The following NR2F1-AS1 variants were observed in gnomAD, a reference collection of about 807,000 sequenced individuals.
The protein encoded by NR2F1-AS1 is NR2F1 regulatory antisense RNA 1.
rs1354990981 is a variant in NR2F1-AS1 at position 93,556,109 on chromosome 5, C to T, written n.414-1114G>A. On this transcript the variant is annotated intron_variant and non_coding_transcript_variant, in intron 2 of 5. Coordinates refer to ENST00000660523, the Ensembl canonical transcript of NR2F1-AS1. Reference sequence around the variant, plus strand: ...TTTATTCCTACATCAGGACTTTATCCCATGTTCTTTCTGCTTCTGTAGCAC... The same window carrying T: ...TTTATTCCTACATCAGGACTTTATCTCATGTTCTTTCTGCTTCTGTAGCAC... 2.6e-5 allele frequency among the ~76,000 whole-genome samples: 4 copies of T among 152,234 alleles called. No individual in the cohort carries two copies. In the East Asian group the frequency reaches 7.7e-4, roughly 29 times the overall value.
At chr5:93,545,271 T>C (rs1470627365) in intron 4 of NR2F1-AS1, among the ~76,000 whole-genome samples, 1 of 152,234 alleles carries the variant, frequency 6.6e-6, no homozygotes, top group African/African-American at 2.4e-5. Flanking sequence ...TTATACTTCA[T>C]ATTCACTTAA....
At position 93,518,641 on chromosome 5, in the gene NR2F1-AS1, T is replaced by C. The variant is rs184551323; in HGVS notation, n.638+35120A>G. Among the ~76,000 whole-genome samples the C allele has an allele frequency of 2.6e-5, 4 of 152,266 alleles. No individual in the cohort carries two copies. In the East Asian group the frequency reaches 5.8e-4, roughly 22 times the overall value. On this transcript the variant is annotated intron_variant and non_coding_transcript_variant, in intron 4 of 5. Coordinates refer to ENST00000660523, the Ensembl canonical transcript of NR2F1-AS1. ...AACAATTATATCTATGTGACACAGA[T>C]ATAATTACATTTCTCATTTAATCTT...
chr5:93,413,396 G>C (rs1424598013), intron 4 of NR2F1-AS1, among the ~76,000 whole-genome samples: 2 of 151,996 alleles, frequency 1.3e-5, no homozygotes, highest in African/African-American at 4.8e-5. Context: ...GAAGCTTTTA[G>C]TGTACTGGGA....
At chr5:93,553,028 G>T (rs753213286) in intron 4 of NR2F1-AS1, among the ~76,000 whole-genome samples, 3 of 151,662 alleles carry the variant, frequency 2.0e-5, no homozygotes, top group Non-Finnish European at 2.9e-5. Flanking sequence ...TAGCAAACTT[G>T]CAACAAGCAT....
At chr5:93,522,694 G>A (rs554743134) in intron 4 of NR2F1-AS1, among the ~76,000 whole-genome samples, 5 of 152,146 alleles carry the variant, frequency 3.3e-5, no homozygotes, top group East Asian at 1.9e-4. Context: ...GCCCACAGAC[G>A]GTGAGCCAAA....
In NR2F1-AS1 at chr5:93,579,587, G is replaced by A. The variant is rs1268697710; in HGVS notation, n.313+880C>T. 1.3e-5 allele frequency among the ~76,000 whole-genome samples: 2 copies of A among 152,104 alleles called. No homozygotes were observed. The highest frequency in any genetic ancestry group is 1.3e-4 in the Admixed American group (2 of 15,282). On this transcript the variant is annotated intron_variant and non_coding_transcript_variant, in intron 1 of 5. Coordinates refer to ENST00000660523, the Ensembl canonical transcript of NR2F1-AS1. This position sits in a 1 kb window ranked among gnomAD's most constrained non-coding sequence, Gnocchi z 5.1. ...AGCTAGGCAAGGCCTCCTCGCTTCCGAGACCCCCCAGCCCCCGGGTGCAGT... is the reference window on the plus strand; with the variant it reads ...AGCTAGGCAAGGCCTCCTCGCTTCCAAGACCCCCCAGCCCCCGGGTGCAGT...
chr5:93,539,837 C>G (rs149750683), intron 4 of NR2F1-AS1, among the ~76,000 whole-genome samples: 296 of 152,170 alleles, frequency 1.9e-3, no homozygotes, highest in African/African-American at 6.1e-3. Context: ...GATGATTATA[C>G]AACAAATATA....
chr5:93,445,030 C>T (rs946129949), intron 4 of NR2F1-AS1, among the ~76,000 whole-genome samples: 3 of 152,186 alleles, frequency 2.0e-5, no homozygotes, highest in African/African-American at 7.2e-5. Flanking sequence ...ATACCAGAAT[C>T]TCTGGGACAC....
At chr5:93,467,838 T>C (rs996315382) in intron 4 of NR2F1-AS1, among the ~76,000 whole-genome samples, 27 of 152,152 alleles carry the variant, frequency 1.8e-4, no homozygotes, top group Non-Finnish European at 3.7e-4. Context: ...CCCCGGCATA[T>C]GGTGTTTCCT....
chr5:93,533,464 A>G (rs1456888959), intron 4 of NR2F1-AS1, among the ~76,000 whole-genome samples: 1 of 152,162 alleles, frequency 6.6e-6, no homozygotes, highest in Non-Finnish European at 1.5e-5. Flanking sequence ...AGTCAAGAAA[A>G]CTGTATCATT....
chr5:93,573,016 C>A (rs1752810736), intron 1 of NR2F1-AS1, among the ~76,000 whole-genome samples: 1 of 152,208 alleles, frequency 6.6e-6, no homozygotes, highest in African/African-American at 2.4e-5. Flanking sequence ...GCCAGAGGAG[C>A]CAGGAGGAGT....
chr5:93,458,270 G>C (rs1193845114), intron 4 of NR2F1-AS1, among the ~76,000 whole-genome samples: 1 of 152,130 alleles, frequency 6.6e-6, no homozygotes, highest in Non-Finnish European at 1.5e-5. Context: ...AAAAATTGGA[G>C]GACTTAAAGC....
chr5:93,471,394 G>A (rs1022399586), intron 4 of NR2F1-AS1, among the ~76,000 whole-genome samples: 1 of 151,824 alleles, frequency 6.6e-6, no homozygotes, highest in African/African-American at 2.4e-5. Context: ...ATAAAGACGT[G>A]CATTCCAACA....
At chr5:93,515,481 T>C (rs1039145860) in intron 4 of NR2F1-AS1, among the ~76,000 whole-genome samples, 4 of 151,970 alleles carry the variant, frequency 2.6e-5, no homozygotes, top group Non-Finnish European at 5.9e-5. Flanking sequence ...CTCTCCTTAG[T>C]GTTTATGGCT....
At chr5:93,470,356 C>T (rs1750340606) in intron 4 of NR2F1-AS1, among the ~76,000 whole-genome samples, 1 of 151,710 alleles carries the variant, frequency 6.6e-6, no homozygotes, top group South Asian at 2.1e-4. Flanking sequence ...GTTAGTGTGC[C>T]TAGATGCAGG....
intron 4 of NR2F1-AS1, among the ~76,000 whole-genome samples, chr5:93,459,895 G>A (rs1046005136): frequency 2.6e-5 from 4 of 152,136 alleles, no homozygotes; most frequent in Non-Finnish European, 5.9e-5. Context: ...ACCCTACAAG[G>A]AGCCACTATG....
chr5:93,530,120 G>A (rs559815618), intron 4 of NR2F1-AS1, among the ~76,000 whole-genome samples: 105 of 121,388 alleles, frequency 8.6e-4, no homozygotes, highest in Non-Finnish European at 1.5e-3. Context: ...TTGCTCTATC[G>A]CCCAGGCTGG....
Position 93,536,089 on chromosome 5 carries a change from G to A in NR2F1-AS1, n.638+17672C>T, listed in dbSNP as rs548168745. 2.6e-5 allele frequency among the ~76,000 whole-genome samples: 4 copies of A among 152,164 alleles called. No individual in the cohort carries two copies. In the East Asian group the frequency reaches 7.7e-4, roughly 29 times the overall value. On this transcript the variant is annotated intron_variant and non_coding_transcript_variant, in intron 4 of 5. Transcript: ENST00000660523. The stretch of plus-strand genomic sequence containing the variant: ...AAAATTGTTAGAATAAATGAATTCA[G>A]TAAAGTTGCAGGATACAAAATCCAC...
intron 4 of NR2F1-AS1, among the ~76,000 whole-genome samples, chr5:93,452,096 CTA>C (rs1749843388): frequency 1.3e-5 from 2 of 152,160 alleles, no homozygotes; most frequent in African/African-American, 4.8e-5. Context: ...AAGAAATACA[CTA>C]TGTTTTAAAA....
Sources: gnomAD v4.1 joint callset for allele counts (sites outside exome capture counted in the v4.1 genomes callset) on GRCh38, gnomAD v4.1.1 for gene constraint, Gnocchi (gnomAD v3.1) non-coding constraint, MANE v1.5 for transcripts, NCBI Gene and HGNC (gene_info 2026-07-23, HGNC 2026-07-21) for gene names.